TNNI3K: variants seen among roughly 807,000 people sequenced by gnomAD.
TNNI3K encodes serine/threonine-protein kinase TNNI3K.
TNNI3K carries 140 observed loss-of-function variants against 114.5 expected under a neutral mutation model. That is an observed-to-expected ratio of 1.22 (90% CI 1.07 to 1.41). The LOEUF is 1.41. Ranked by LOEUF, TNNI3K falls within the 40% of genes most tolerant of loss-of-function variation. The probability of loss-of-function intolerance (pLI) is 0.00; values close to 1 mark genes in which losing one functional copy is unlikely to be tolerated. For missense variants in TNNI3K, 1,125 were observed against 1,007.6 expected (o/e 1.12, Z -1.58); for synonymous variants, 347 against 347.5 (o/e 1.00, Z 0.02).
intron 17 of TNNI3K, chr1:74,372,102 A>C: frequency 8.3e-6 from 1 of 119,772 alleles, no homozygotes; most frequent in South Asian, 2.5e-4. Flanking sequence ...GAAAAAAAAA[A>C]AAAAAAAAAA....
At chr1:74,414,563 A>C (rs955870879) in intron 17 of TNNI3K, among the ~76,000 whole-genome samples, 1 of 152,176 alleles carries the variant, frequency 6.6e-6, no homozygotes, top group African/African-American at 2.4e-5. Flanking sequence ...TATAAATTGA[A>C]CTTAGTTTAA....
At chr1:74,412,933 C>A (rs1275270689) in intron 17 of TNNI3K, among the ~76,000 whole-genome samples, 2 of 152,142 alleles carry the variant, frequency 1.3e-5, no homozygotes, top group African/African-American at 4.8e-5. Flanking sequence ...CAATCTTAAT[C>A]CCCTCTTCTC....
chr1:74,265,320 C>G (rs560090834), intron 4 of TNNI3K, among the ~76,000 whole-genome samples: 1 of 152,062 alleles, frequency 6.6e-6, no homozygotes, highest in South Asian at 2.1e-4. Context: ...CTCCGCCAGC[C>G]CATTGAGGAG....
chr1:74,464,525 G>T (rs1393915784), intron 21 of TNNI3K: 2 of 1,424,540 alleles, frequency 1.4e-6, no homozygotes, highest in African/African-American at 1.4e-5. Context: ...TTCAACAAGA[G>T]AATAAAGTGA....
At chr1:74,367,528 T>C (rs1343619669) in intron 12 of TNNI3K, among the ~76,000 whole-genome samples, 186 bp downstream of exon 12, 1 of 151,946 alleles carries the variant, frequency 6.6e-6, no homozygotes, top group Non-Finnish European at 1.5e-5. Flanking sequence ...CCATTTCAGC[T>C]ATTTTCTAAC....
intron 17 of TNNI3K, among the ~76,000 whole-genome samples, chr1:74,400,474 G>A (rs772325654): frequency 1.3e-5 from 2 of 152,176 alleles, no homozygotes; most frequent in Admixed American, 6.5e-5. Flanking sequence ...TCTCCTGGGC[G>A]GCCTGAGGCA....
chr1:74,344,258 C>T (rs1158637304), intron 9 of TNNI3K, among the ~76,000 whole-genome samples: 1 of 152,118 alleles, frequency 6.6e-6, no homozygotes, highest in Non-Finnish European at 1.5e-5. Context: ...TGACCATATG[C>T]CAGATGATTC....
At chr1:74,508,690 G>A (rs980390238) in intron 23 of TNNI3K, among the ~76,000 whole-genome samples, 11 of 152,264 alleles carry the variant, frequency 7.2e-5, no homozygotes, top group South Asian at 6.2e-4. Context: ...AGCCCAACCC[G>A]GGGCATATGT....
At position 74,295,726 on chromosome 1, in the gene TNNI3K, A is replaced by G. The variant is rs569962224; in HGVS notation, c.444+24018A>G. Among the ~76,000 whole-genome samples, 85 of 152,170 alleles carry G rather than the reference A, an allele frequency of 5.6e-4. 1 individual carries two copies. Among genetic ancestry groups the G allele is most frequent in the Admixed American group, 4.4e-3 (67 of 15,274 alleles). On this transcript the variant is annotated intron_variant, in intron 5 of 24. Coordinates refer to ENST00000326637, the MANE Select transcript of TNNI3K (RefSeq NM_015978.3). Reference sequence around the variant, plus strand: ...TTTTCTTTTGATCCTTTTATGTTCAAACTTTTTGCATCTTTATATTTAATT... The same window carrying G: ...TTTTCTTTTGATCCTTTTATGTTCAGACTTTTTGCATCTTTATATTTAATT...
chr1:74,369,111 TC>T lies in TNNI3K; in HGVS notation c.1412del (p.Ser471Ter). The stretch of plus-strand genomic sequence containing the variant: ...AATTGAGTTCCATGAGATTATTGGC[TC>T]AGGTAACCTAAAATAAATAAATAAA... ...SEIEFHEIIG[S>X]GSFGKVYKGR... is the part of the protein sequence containing the mutation. On this transcript the variant is annotated frameshift_variant and splice_region_variant, in exon 14 of 25. Coordinates refer to ENST00000326637, the MANE Select transcript of TNNI3K (RefSeq NM_015978.3). LOFTEE classifies it high-confidence loss of function. The T allele has an allele frequency of 1.2e-6, 2 of 1,606,654 alleles. No homozygotes were observed. Among genetic ancestry groups the T allele is most frequent in the Non-Finnish European group, 1.7e-6 (2 of 1,177,196 alleles).
At chr1:74,472,607 G>A (rs1015037902) in intron 21 of TNNI3K, among the ~76,000 whole-genome samples, 3 of 152,012 alleles carry the variant, frequency 2.0e-5, no homozygotes, top group Non-Finnish European at 4.4e-5. Context: ...GTGCAATATT[G>A]AGTAATGTTC....
chr1:74,315,138 T>C (rs1341856172), intron 5 of TNNI3K, among the ~76,000 whole-genome samples: 1 of 152,108 alleles, frequency 6.6e-6, no homozygotes, highest in Non-Finnish European at 1.5e-5. Context: ...GGACAGAAAT[T>C]AGGTTTTATT....
At chr1:74,522,511 G>T (rs759845469) in intron 23 of TNNI3K, among the ~76,000 whole-genome samples, 7 of 152,062 alleles carry the variant, frequency 4.6e-5, no homozygotes, top group Non-Finnish European at 1.0e-4. Context: ...TTCTCCCCAC[G>T]CAGTATAGAA....
At chr1:74,511,826 T>C (rs1233629073) in intron 23 of TNNI3K, among the ~76,000 whole-genome samples, 1 of 151,376 alleles carries the variant, frequency 6.6e-6, no homozygotes, top group East Asian at 2.0e-4. Flanking sequence ...GAAGAAAGAG[T>C]GTACTAGGAA....
chr1:74,489,220 A>T lies in TNNI3K; in HGVS notation c.2153A>T (p.Lys718Met). The T allele has an allele frequency of 6.2e-7, 1 of 1,612,308 alleles. No homozygotes were observed. The highest frequency in any genetic ancestry group is 8.5e-7 in the Non-Finnish European group (1 of 1,179,284). Residue 718 changes from lysine (K) to methionine (M), a missense_variant, in exon 22 of 25, where the codon AAG becomes ATG. Coordinates refer to ENST00000326637, the MANE Select transcript of TNNI3K (RefSeq NM_015978.3). Reference sequence around the variant, plus strand: ...CCCGAATTTTCTGAAGTTGTCATGAAGTTAGAAGAGTGTCTCTGCAACATT... The same window carrying T: ...CCCGAATTTTCTGAAGTTGTCATGATGTTAGAAGAGTGTCTCTGCAACATT... ...GRPEFSEVVM[K>M]LEECLCNIEL...
At chr1:74,525,544 C>A (rs1218269306) in intron 23 of TNNI3K, among the ~76,000 whole-genome samples, 1 of 152,154 alleles carries the variant, frequency 6.6e-6, no homozygotes, top group East Asian at 1.9e-4. Context: ...TCAGTTCAAC[C>A]AAATTTATTT....
intron 7 of TNNI3K, among the ~76,000 whole-genome samples, chr1:74,340,108 A>G (rs144214291): frequency 7.2e-5 from 11 of 152,196 alleles, no homozygotes; most frequent in Admixed American, 3.9e-4. Flanking sequence ...TAAAGATCTT[A>G]TAGGACCTGC....
intron 9 of TNNI3K, chr1:74,345,914 A>T (rs1660975281): frequency 6.6e-6 from 1 of 152,228 alleles, no homozygotes; most frequent in Non-Finnish European, 1.5e-5. Context: ...AATTTCAGAT[A>T]AGTATTTCAA....
At chr1:74,247,929 G>A (rs1403853781) in intron 2 of TNNI3K, among the ~76,000 whole-genome samples, 1 of 152,128 alleles carries the variant, frequency 6.6e-6, no homozygotes, top group East Asian at 1.9e-4. Flanking sequence ...TGGTGGATGG[G>A]ACTGGGCACC....
Sources: allele counts gnomAD v4.1 joint callset (sites outside exome capture counted in the v4.1 genomes callset), GRCh38; gene constraint gnomAD v4.1.1; transcripts MANE v1.5; gene names NCBI Gene and HGNC (gene_info 2026-07-23, HGNC 2026-07-21).